The following DDX10 variants were observed in gnomAD, a reference collection of about 807,000 sequenced individuals.
DDX10 encodes the protein DEAD-box helicase 10.
DDX10 carries 74 observed loss-of-function variants against 104.3 expected under a neutral mutation model. That is an observed-to-expected ratio of 0.71 (90% confidence interval 0.59 to 0.86). The LOEUF is 0.86. Ranked by LOEUF, DDX10 falls within the 40% of genes least tolerant of loss-of-function variation. DDX10 has a pLI of 0.00. For synonymous variants in DDX10, 351 were observed against 353.4 expected, an observed-to-expected ratio of 0.99 and a Z score of 0.08; for missense variants, 952 against 1,040.0, an observed-to-expected ratio of 0.92 and a Z score of 1.16.
chr11:108,731,192 A>G (rs2094311821), intron 13 of DDX10, among the ~76,000 whole-genome samples: 1 of 151,886 alleles, frequency 6.6e-6, no homozygotes, highest in South Asian at 2.1e-4. Flanking sequence ...CTGAGATTAC[A>G]GGCACGTGCC....
chr11:108,754,160 G>A (rs1185992827), intron 13 of DDX10, among the ~76,000 whole-genome samples: 2 of 151,932 alleles, frequency 1.3e-5, no homozygotes, highest in African/African-American at 2.4e-5. Flanking sequence ...CTGTGTTGTC[G>A]GAAGTGAATC....
chr11:108,677,387 C>T (rs550603172), intron 4 of DDX10, 144 bp downstream of exon 4: 34 of 675,572 alleles, frequency 5.0e-5, no homozygotes, highest in African/African-American at 4.0e-4. Context: ...TTGGTGTGGT[C>T]GCTGCTATCT....
intron 13 of DDX10, among the ~76,000 whole-genome samples, chr11:108,748,030 A>G (rs1455648524): frequency 6.6e-6 from 1 of 152,194 alleles, no homozygotes; most frequent in Non-Finnish European, 1.5e-5. Context: ...AAATAATTAT[A>G]AACTTTGGAC....
At position 108,691,876 on chromosome 11, in the gene DDX10, G is replaced by A. The variant is rs1483734177; in HGVS notation, c.976G>A (p.Val326Ile). The A allele has an allele frequency of 6.2e-7, 1 of 1,612,204 alleles. No individual in the cohort carries two copies. The highest frequency in any genetic ancestry group is 8.5e-7 in the Non-Finnish European group (1 of 1,179,330). The change falls in exon 8 of 18, where the codon GTC (valine) becomes ATC (isoleucine). Residue 326 changes from valine (V) to isoleucine (I), a missense_variant and splice_region_variant. Coordinates refer to ENST00000322536, the MANE Select transcript of DDX10 (RefSeq NM_004398.4). Reference protein sequence around the residue: ...SIVFFSSCKEVQYLYRVFCRL... With the variant: ...SIVFFSSCKEIQYLYRVFCRL... ...ACTTATTCTTCTGTTGATGCCCCAGGTCCAGTATCTGTACCGAGTGTTTTG... is the reference window on the plus strand; with the variant it reads ...ACTTATTCTTCTGTTGATGCCCCAGATCCAGTATCTGTACCGAGTGTTTTG...
intron 13 of DDX10, among the ~76,000 whole-genome samples, chr11:108,798,145 G>T (rs550884583): frequency 6.6e-6 from 1 of 151,844 alleles, no homozygotes; most frequent in Non-Finnish European, 1.5e-5. Context: ...GCCCCTAAAC[G>T]TTCAATACTT....
intron 13 of DDX10, among the ~76,000 whole-genome samples, chr11:108,795,710 A>C (rs1861932177): frequency 6.6e-6 from 1 of 152,006 alleles, no homozygotes; most frequent in South Asian, 2.1e-4. Flanking sequence ...CATGGTGTAT[A>C]TGTGCCACAT....
intron 13 of DDX10, among the ~76,000 whole-genome samples, chr11:108,807,591 G>T (rs1862118298): frequency 6.6e-6 from 1 of 152,324 alleles, no homozygotes; most frequent in East Asian, 1.9e-4. Context: ...GAAAGTAGCA[G>T]ACTGTGGTGA....
At chr11:108,836,962 CTT>C (rs1862563878) in intron 13 of DDX10, among the ~76,000 whole-genome samples, 1 of 152,198 alleles carries the variant, frequency 6.6e-6, no homozygotes, top group Non-Finnish European at 1.5e-5. Context: ...TCCCTCCTCT[CTT>C]TTCCTTGTGT....
chr11:108,851,108 G>T (rs1038378244), intron 15 of DDX10, among the ~76,000 whole-genome samples: 1 of 152,026 alleles, frequency 6.6e-6, no homozygotes, highest in African/African-American at 2.4e-5. Flanking sequence ...TTGATATATA[G>T]CTATAGTCTT....
chr11:108,694,798 G>A (rs1448549953), intron 9 of DDX10, among the ~76,000 whole-genome samples: 16 of 152,098 alleles, frequency 1.1e-4, no homozygotes, highest in Non-Finnish European at 1.6e-4. Context: ...GGAGAATCAC[G>A]TGAACCCGGG....
At chr11:108,841,625 T>G in intron 15 of DDX10, 149 bp downstream of exon 15, 1 of 788,370 alleles carries the variant, frequency 1.3e-6, no homozygotes, top group Non-Finnish European at 1.9e-6. Context: ...TTTTTCTGTT[T>G]ATTTGTTCCT....
At chr11:108,683,788 C>T (rs1368374785) in intron 6 of DDX10, among the ~76,000 whole-genome samples, 1 of 152,158 alleles carries the variant, frequency 6.6e-6, no homozygotes, top group Non-Finnish European at 1.5e-5. Context: ...ACAGTTCTTA[C>T]AGGAAAGCCA....
intron 16 of DDX10, among the ~76,000 whole-genome samples, chr11:108,867,460 C>T (rs140335351): frequency 6.6e-6 from 1 of 152,140 alleles, no homozygotes; most frequent in Non-Finnish European, 1.5e-5. Flanking sequence ...AAATTGAGAT[C>T]TAGTCTCATC....
intron 13 of DDX10, among the ~76,000 whole-genome samples, chr11:108,788,967 C>T (rs942050001): frequency 8.5e-5 from 13 of 152,114 alleles, no homozygotes; most frequent in African/African-American, 1.9e-4. Context: ...TTCTGGTCCC[C>T]GGGGCTCTCT....
At chr11:108,797,193 C>A (rs986416859) in intron 13 of DDX10, among the ~76,000 whole-genome samples, 10 of 152,046 alleles carry the variant, frequency 6.6e-5, no homozygotes, top group African/African-American at 2.4e-4. Context: ...GCCAGCATGC[C>A]CAGCTAATTT....
rs190936130 is a variant in DDX10 at position 108,916,715 on chromosome 11, C to A, written c.2305-1158C>A. Among the ~76,000 whole-genome samples, 15 of 152,268 alleles carry A rather than the reference C, an allele frequency of 9.9e-5. No homozygotes were observed. The East Asian group carries it at 2.7e-3, about 27-fold the overall frequency. ...CCCACTTATAATTTTCTGTTAAATG[C>A]ATGTGCCACTGCTTGTTTCGGTTTA... On this transcript the variant is annotated intron_variant, in intron 16 of 17. Coordinates refer to ENST00000322536, the MANE Select transcript of DDX10 (RefSeq NM_004398.4).
intron 13 of DDX10, among the ~76,000 whole-genome samples, chr11:108,785,387 TTTG>T (rs931812811): frequency 4.6e-5 from 7 of 150,900 alleles, no homozygotes; most frequent in Middle Eastern, 3.5e-3. Context: ...CCGAAGCTTT[TTTG>T]TTGTTGTTGT....
intron 13 of DDX10, among the ~76,000 whole-genome samples, chr11:108,809,368 A>G (rs1039078702): frequency 7.9e-5 from 12 of 152,306 alleles, no homozygotes; most frequent in African/African-American, 2.9e-4. Flanking sequence ...CCCTTCCTCC[A>G]TGTGTGTTGG....
At chr11:108,852,788 T>C (rs1456407190) in intron 16 of DDX10, among the ~76,000 whole-genome samples, 1 of 151,602 alleles carries the variant, frequency 6.6e-6, no homozygotes, top group Non-Finnish European at 1.5e-5. Context: ...TTATCTAATG[T>C]GTTTGTCACT....
Sources: gnomAD v4.1 joint callset for allele counts (sites outside exome capture counted in the v4.1 genomes callset) on GRCh38, gnomAD v4.1.1 for gene constraint, MANE v1.5 for transcripts, NCBI Gene and HGNC (gene_info 2026-07-23, HGNC 2026-07-21) for gene names.